Variants in SETD3 observed in about 807,000 individuals in gnomAD.
The protein encoded by SETD3 is SET domain containing 3, actin N3(tau)-histidine methyltransferase, also known as actin-histidine N-methyltransferase.
SETD3 carries 19 observed loss-of-function variants against 63.0 expected under a neutral mutation model. That is an observed-to-expected ratio of 0.30 (90% confidence interval 0.21 to 0.44). The LOEUF is 0.44. Among genes scored for constraint, SETD3 ranks in the 20% least tolerant of loss-of-function variants. SETD3 has a pLI of 1.00. For synonymous variants in SETD3, 286 were observed against 264.1 expected, an observed-to-expected ratio of 1.08 and a Z score of -0.80; for missense variants, 587 against 728.5, an observed-to-expected ratio of 0.81 and a Z score of 2.24.
At chr14:99,409,109 G>C (rs951583329) in intron 8 of SETD3, among the ~76,000 whole-genome samples, 1 of 152,120 alleles carries the variant, frequency 6.6e-6, no homozygotes, top group Non-Finnish European at 1.5e-5. Context: ...GTCAAGCAAG[G>C]ACAGGGTCCT....
At chr14:99,462,449 T>C (rs1895121578) in intron 3 of SETD3, among the ~76,000 whole-genome samples, 1 of 152,220 alleles carries the variant, frequency 6.6e-6, no homozygotes, top group Non-Finnish European at 1.5e-5. Context: ...GAAGAGGGCA[T>C]GCTGGATATG....
chr14:99,436,275 G>GT (rs1893477167), intron 6 of SETD3, among the ~76,000 whole-genome samples: 2 of 152,146 alleles, frequency 1.3e-5, no homozygotes, highest in South Asian at 2.1e-4. Context: ...CGCCTTCCAA[G>GT]TGACTCCCGG....
chr14:99,482,248 A>G (rs1950598), upstream of SETD3, among the ~76,000 whole-genome samples: 64,080 of 152,118 alleles, frequency 0.42, 13,982 homozygotes, highest in East Asian at 0.56. Flanking sequence ...TGTGTTTTTA[A>G]GAGAAACTTG....
intron 6 of SETD3, among the ~76,000 whole-genome samples, chr14:99,439,418 G>A (rs1277071146): frequency 3.3e-5 from 5 of 152,080 alleles, no homozygotes; most frequent in Admixed American, 6.6e-5. Context: ...ACTTTTGCTC[G>A]TCAACATTTC....
At chr14:99,430,431 A>G (rs1463513139) in intron 6 of SETD3, among the ~76,000 whole-genome samples, 2 of 152,230 alleles carry the variant, frequency 1.3e-5, no homozygotes, top group African/African-American at 4.8e-5. Flanking sequence ...TATATGACTT[A>G]AAATTCAAAA....
At chr14:99,404,463 G>A (rs561880724) in intron 10 of SETD3, among the ~76,000 whole-genome samples, 153 bp from the exon 11 acceptor site, 2 of 152,274 alleles carry the variant, frequency 1.3e-5, no homozygotes, top group Admixed American at 6.5e-5. Flanking sequence ...CTGTGAGCAC[G>A]ATTTTCAGCC....
chr14:99,425,682 A>C (rs563875955), intron 6 of SETD3, among the ~76,000 whole-genome samples: 74 of 152,346 alleles, frequency 4.9e-4, no homozygotes, highest in African/African-American at 1.8e-3. Context: ...GAAAATAGCA[A>C]TCCAGCTACC....
chr14:99,413,808 C>A, intron 7 of SETD3, 68 bp downstream of exon 7: 1 of 1,465,366 alleles, frequency 6.8e-7, no homozygotes, highest in South Asian at 1.1e-5. Context: ...CCCTTCCCTC[C>A]CTTCCAGGAT....
At chr14:99,431,965 A>G (rs566865653) in intron 6 of SETD3, among the ~76,000 whole-genome samples, 12 of 152,306 alleles carry the variant, frequency 7.9e-5, no homozygotes, top group Non-Finnish European at 1.3e-4. Context: ...TCATGAATAC[A>G]CAGAGAAGTT....
intron 6 of SETD3, among the ~76,000 whole-genome samples, chr14:99,445,084 AT>A (rs1483429112): frequency 6.6e-6 from 1 of 152,214 alleles, no homozygotes; most frequent in Non-Finnish European, 1.5e-5. Flanking sequence ...GTAATATGCG[AT>A]GCAAATGCAG....
At position 99,398,590 on chromosome 14, in the gene SETD3, G is replaced by A; in HGVS notation, c.*89C>T. The A allele has an allele frequency of 7.8e-7, 1 of 1,278,972 alleles. No individual in the cohort carries two copies. The allele number at this position is 1,278,972 out of a possible 1,614,324, so 79.2% of individuals were successfully genotyped here. A position where few individuals can be genotyped will look rare whatever the true frequency, so the allele number is the denominator to read the frequency against. ...AAACATATCTTCCTCTCTGCAGAAA[G>A]AAAAATGTTAACAAGGAAACACAGC... On this transcript the variant is annotated 3_prime_UTR_variant, in exon 13 of 13. Transcript: ENST00000331768.
chr14:99,415,973 T>C (rs1892270085), intron 6 of SETD3, among the ~76,000 whole-genome samples: 1 of 152,298 alleles, frequency 6.6e-6, no homozygotes, highest in African/African-American at 2.4e-5. Flanking sequence ...AACCAAAAAC[T>C]GGGCTTATCA....
intron 6 of SETD3, among the ~76,000 whole-genome samples, chr14:99,414,237 G>A (rs1022043496): frequency 7.2e-5 from 11 of 152,252 alleles, no homozygotes; most frequent in African/African-American, 1.4e-4. Context: ...AGGCAGGCAC[G>A]CCTACGCGAT....
In SETD3 at chr14:99,406,525, A is replaced by C; in HGVS notation, c.915T>G (p.Ala305=). ...CECVALQDFR[A]GEQIYIFYGT... Reference sequence around the variant, plus strand: ...ATGCCACGAGACCCACCTGCTCTCCAGCCCGAAAATCCTGCAGAGCCACAC... The same window carrying C: ...ATGCCACGAGACCCACCTGCTCTCCCGCCCGAAAATCCTGCAGAGCCACAC... Residue 305 remains alanine, a synonymous_variant, in exon 9 of 13, where the codon GCT becomes GCG. Transcript: ENST00000331768. 1 of 1,614,198 alleles carries C rather than the reference A, an allele frequency of 6.2e-7. No individual in the cohort carries two copies. The highest frequency in any genetic ancestry group is 8.5e-7 in the Non-Finnish European group (1 of 1,180,022).
At chr14:99,433,773 C>G (rs527317153) in intron 6 of SETD3, among the ~76,000 whole-genome samples, 60 of 152,308 alleles carry the variant, frequency 3.9e-4, no homozygotes, top group African/African-American at 1.4e-3. Flanking sequence ...TTTGAACAGG[C>G]ACTTCCCAAA....
intron 6 of SETD3, among the ~76,000 whole-genome samples, chr14:99,422,149 A>G (rs1316433620): frequency 5.9e-5 from 9 of 152,210 alleles, no homozygotes; most frequent in African/African-American, 2.2e-4. Context: ...TACCTGGTCT[A>G]ATTCTGTTCA....
chr14:99,459,835 G>A (rs2139776955), intron 4 of SETD3, among the ~76,000 whole-genome samples: 1 of 152,334 alleles, frequency 6.6e-6, no homozygotes, highest in African/African-American at 2.4e-5. Flanking sequence ...GACAGCAAGA[G>A]GGCAGCTGTC....
At chr14:99,406,683 A>C (rs1891701208) in intron 8 of SETD3, 93 bp from the exon 9 acceptor site, 3 of 1,267,472 alleles carry the variant, frequency 2.4e-6, no homozygotes, top group East Asian at 4.8e-5. Flanking sequence ...CAGAGGAAAA[A>C]GGGGATCCCA....
At chr14:99,415,827 G>T (rs546061020) in intron 6 of SETD3, among the ~76,000 whole-genome samples, 1 of 152,304 alleles carries the variant, frequency 6.6e-6, no homozygotes, top group East Asian at 1.9e-4. Flanking sequence ...CACTAACGGA[G>T]AAAGGAAATA....
Sources: gnomAD v4.1 joint callset for allele counts (sites outside exome capture counted in the v4.1 genomes callset) on GRCh38, gnomAD v4.1.1 for gene constraint, MANE v1.5 for transcripts, NCBI Gene and HGNC (gene_info 2026-07-23, HGNC 2026-07-21) for gene names.